ADAM18: variants seen among roughly 807,000 people sequenced by gnomAD.
The protein encoded by ADAM18 is ADAM metallopeptidase domain 18, also known as disintegrin and metalloproteinase domain-containing protein 18.
Under a neutral mutation model 94.4 loss-of-function variants are expected in ADAM18, and 117 were observed. That is an observed-to-expected ratio of 1.24 (90% confidence interval 1.07 to 1.45). The LOEUF is 1.45. Ranked by LOEUF, ADAM18 falls within the 40% of genes most tolerant of loss-of-function variation. The pLI, the probability that ADAM18 is intolerant of heterozygous loss-of-function variation, is 0.00. For synonymous variants in ADAM18, 327 were observed against 291.6 expected (o/e 1.12, Z -1.24); for missense variants, 936 against 880.0 (o/e 1.06, Z -0.81).
At chr8:39,692,713 T>A in intron 17 of ADAM18, 33 bp downstream of exon 17, 1 of 1,510,834 alleles carries the variant, frequency 6.6e-7, no homozygotes, top group Non-Finnish European at 9.1e-7. Context: ...TTGCATGTTA[T>A]TCTTGTGGGT....
chr8:39,597,092 G>T (rs935211082), intron 2 of ADAM18, among the ~76,000 whole-genome samples: 1 of 152,088 alleles, frequency 6.6e-6, no homozygotes, highest in Admixed American at 6.6e-5. Context: ...TTGATGAGAT[G>T]TCTGTTTAGG....
At position 39,618,782 on chromosome 8, in the gene ADAM18, A is replaced by G. The variant is rs578145445; in HGVS notation, c.522+8076A>G. 5.3e-5 allele frequency among the ~76,000 whole-genome samples: 8 copies of G among 152,246 alleles called. 1 individual carries two copies. The South Asian group carries it at 1.7e-3, about 32-fold the overall frequency. On this transcript the variant is annotated intron_variant, in intron 6 of 19. Coordinates refer to ENST00000265707, the MANE Select transcript of ADAM18 (RefSeq NM_014237.3). ...AGGGTCGCATTCCATTCCCAGAGCT[A>G]TGAACATCTGCTTTTCTGGGATAGG...
At chr8:39,609,354 TGAAA>T in intron 4 of ADAM18, 127 bp from the exon 5 acceptor site, 1 of 706,750 alleles carries the variant, frequency 1.4e-6, no homozygotes, top group South Asian at 2.2e-5. Flanking sequence ...TTTTTTTTTC[TGAAA>T]ATATGCATTA....
At chr8:39,648,609 A>G (rs1368709037) in intron 12 of ADAM18, 82 bp downstream of exon 12, 1 of 1,218,010 alleles carries the variant, frequency 8.2e-7, no homozygotes, top group Non-Finnish European at 1.1e-6. Flanking sequence ...GTATATATAA[A>G]TGATATATGC....
At chr8:39,602,381 G>C (rs1168621926) in intron 2 of ADAM18, among the ~76,000 whole-genome samples, 1 of 152,064 alleles carries the variant, frequency 6.6e-6, no homozygotes, top group African/African-American at 2.4e-5. Context: ...CCATGCTATA[G>C]AGTTTAAGGT....
intron 6 of ADAM18, among the ~76,000 whole-genome samples, chr8:39,628,936 A>T (rs1819852603): frequency 6.6e-6 from 1 of 152,072 alleles, no homozygotes; most frequent in Admixed American, 6.6e-5. Flanking sequence ...TTAATAGACA[A>T]ATCACAATAT....
chr8:39,649,571 T>G (rs1290356993), intron 12 of ADAM18, among the ~76,000 whole-genome samples: 4 of 152,204 alleles, frequency 2.6e-5, no homozygotes, highest in Non-Finnish European at 5.9e-5. Context: ...TTTCACATTT[T>G]GGGTTTCTAC....
At chr8:39,668,267 A>G (rs1821051660) in intron 14 of ADAM18, 71 bp downstream of exon 14, 2 of 1,422,548 alleles carry the variant, frequency 1.4e-6, no homozygotes, top group Non-Finnish European at 9.8e-7. Context: ...TATGTACCAC[A>G]CAACTCTAGA....
In ADAM18 at chr8:39,676,208, C is replaced by A. The variant is rs1461286174; in HGVS notation, c.1526-1223C>A. ...TGTCAGACAGGGATGTTTAAGTCTG[C>A]AGAAGTTGTCTGCTGTCTTTTGTTC... On this transcript the variant is annotated intron_variant, in intron 14 of 19. Coordinates refer to ENST00000265707, the MANE Select transcript of ADAM18 (RefSeq NM_014237.3). Among the ~76,000 whole-genome samples, 7 of 152,210 alleles carry A rather than the reference C, an allele frequency of 4.6e-5. No individual in the cohort carries two copies. The East Asian group carries it at 1.3e-3, about 29-fold the overall frequency.
At chr8:39,708,499 G>A (rs2129581373) in intron 18 of ADAM18, among the ~76,000 whole-genome samples, 1 of 152,290 alleles carries the variant, frequency 6.6e-6, no homozygotes, top group East Asian at 1.9e-4. Flanking sequence ...AAATATAAAT[G>A]CATTTCTTTA....
At chr8:39,695,412 C>T (rs552886144) in intron 17 of ADAM18, among the ~76,000 whole-genome samples, 17 of 151,530 alleles carry the variant, frequency 1.1e-4, no homozygotes, top group African/African-American at 2.7e-4. Context: ...GTGTTTTCAG[C>T]GATTGGGATT....
chr8:39,711,354 T>C (rs1032064603), intron 18 of ADAM18, among the ~76,000 whole-genome samples: 1 of 152,066 alleles, frequency 6.6e-6, no homozygotes, highest in Non-Finnish European at 1.5e-5. Context: ...CAATGAAAAT[T>C]CACAAGGCTT....
intron 17 of ADAM18, among the ~76,000 whole-genome samples, chr8:39,694,644 A>G (rs535140909): frequency 1.3e-5 from 2 of 151,598 alleles, no homozygotes; most frequent in Admixed American, 6.6e-5. Flanking sequence ...TTTACATAAA[A>G]ACAAGCACCA....
chr8:39,717,716 G>C (rs763958862), intron 18 of ADAM18, among the ~76,000 whole-genome samples: 1 of 151,556 alleles, frequency 6.6e-6, no homozygotes, highest in Non-Finnish European at 1.5e-5. Context: ...TTCATTGTGG[G>C]ACTATATCAA....
chr8:39,718,883 A>G (rs1410295884), intron 18 of ADAM18, among the ~76,000 whole-genome samples: 1 of 149,670 alleles, frequency 6.7e-6, no homozygotes, highest in African/African-American at 2.4e-5. Context: ...TTCATAGATC[A>G]AAAGATTCAC....
At chr8:39,604,614 C>T (rs1819010670) in intron 2 of ADAM18, 1 of 152,290 alleles carries the variant, frequency 6.6e-6, no homozygotes, top group Non-Finnish European at 1.5e-5. Flanking sequence ...CCACTCTCCT[C>T]CTTGCTTCTG....
At chr8:39,692,737 A>C in intron 17 of ADAM18, 57 bp downstream of exon 17, 3 of 1,408,814 alleles carry the variant, frequency 2.1e-6, no homozygotes, top group South Asian at 1.2e-5. Context: ...TCAAATAAAC[A>C]TCTGTTTATG....
intron 12 of ADAM18, 58 bp from the exon 13 acceptor site, chr8:39,663,737 G>T (rs936428484): frequency 9.1e-7 from 1 of 1,099,160 alleles, no homozygotes; most frequent in Non-Finnish European, 1.3e-6. Flanking sequence ...TTGAGATTAA[G>T]AAACAAGAGC....
At chr8:39,630,740 A>G (rs571971949) in intron 7 of ADAM18, among the ~76,000 whole-genome samples, 10 of 152,064 alleles carry the variant, frequency 6.6e-5, no homozygotes, top group Admixed American at 1.3e-4. Flanking sequence ...TTCTTTTGGT[A>G]TCTGCCTAGG....
Sources: allele counts gnomAD v4.1 joint callset (sites outside exome capture counted in the v4.1 genomes callset), GRCh38; gene constraint gnomAD v4.1.1; transcripts MANE v1.5; gene names NCBI Gene and HGNC (gene_info 2026-07-23, HGNC 2026-07-21).